The following CNTNAP2 variants were observed in gnomAD, a reference collection of about 807,000 sequenced individuals.
CNTNAP2 encodes the protein contactin-associated protein-like 2.
A neutral mutation model predicts 155.2 loss-of-function variants in CNTNAP2; 98 were observed. That is an observed-to-expected ratio of 0.63 (90% CI 0.54 to 0.75). CNTNAP2 has a LOEUF of 0.75. Among genes scored for constraint, CNTNAP2 ranks in the 30% least tolerant of loss-of-function variants. The pLI is 0.00. For missense variants in CNTNAP2, 1,727 were observed against 1,688.1 expected, an observed-to-expected ratio of 1.02 and a Z score of -0.40; for synonymous variants, 651 against 631.2, an observed-to-expected ratio of 1.03 and a Z score of -0.47.
chr7:146,901,527 T>G (rs1261965088), intron 3 of CNTNAP2, among the ~76,000 whole-genome samples: 2 of 152,304 alleles, frequency 1.3e-5, no homozygotes, highest in Admixed American at 1.3e-4. Context: ...GAATTTGACT[T>G]AAACGGCAAA....
chr7:147,433,142 C>T (rs1797493549), intron 10 of CNTNAP2, among the ~76,000 whole-genome samples: 1 of 152,158 alleles, frequency 6.6e-6, no homozygotes, highest in African/African-American at 2.4e-5. Flanking sequence ...CCGCAGAGTG[C>T]TGAATCTTTC....
chr7:146,302,600 T>C (rs1029774646), intron 1 of CNTNAP2, among the ~76,000 whole-genome samples: 1 of 152,044 alleles, frequency 6.6e-6, no homozygotes, highest in African/African-American at 2.4e-5. Context: ...ATCTAAAACG[T>C]GTTGGAGTTG....
At chr7:146,698,594 T>A (rs1370502317) in intron 1 of CNTNAP2, among the ~76,000 whole-genome samples, 3 of 152,076 alleles carry the variant, frequency 2.0e-5, no homozygotes, top group Non-Finnish European at 2.9e-5. Context: ...AGGAAGGAGA[T>A]TTTTAACTGT....
At chr7:146,649,901 CAT>C (rs1415973836) in intron 1 of CNTNAP2, among the ~76,000 whole-genome samples, 1 of 151,858 alleles carries the variant, frequency 6.6e-6, no homozygotes, top group Non-Finnish European at 1.5e-5. Flanking sequence ...GGCCAATAAA[CAT>C]ATGAAAAAAA....
intron 13 of CNTNAP2, among the ~76,000 whole-genome samples, chr7:147,880,743 TG>T (rs1303022265): frequency 4.6e-5 from 7 of 152,034 alleles, no homozygotes; most frequent in Non-Finnish European, 1.0e-4. Flanking sequence ...GAGCATCAAA[TG>T]CTGCTGAGAG....
At chr7:146,554,708 T>C (rs1798171111) in intron 1 of CNTNAP2, among the ~76,000 whole-genome samples, 1 of 152,206 alleles carries the variant, frequency 6.6e-6, no homozygotes. Flanking sequence ...TACCAGCTCT[T>C]GCTATTATTC....
intron 20 of CNTNAP2, among the ~76,000 whole-genome samples, chr7:148,232,775 C>T (rs909930287): frequency 4.6e-5 from 7 of 152,158 alleles, no homozygotes; most frequent in Non-Finnish European, 1.0e-4. Flanking sequence ...TTAGATGATC[C>T]TCATCAGTGT....
intron 22 of CNTNAP2, among the ~76,000 whole-genome samples, chr7:148,386,836 C>T (rs1799221105): frequency 6.6e-6 from 1 of 151,898 alleles, no homozygotes; most frequent in Admixed American, 6.5e-5. Flanking sequence ...AGAAGAAACT[C>T]AGTAAGTAGT....
intron 21 of CNTNAP2, among the ~76,000 whole-genome samples, chr7:148,306,350 C>T (rs1039746993): frequency 2.0e-4 from 31 of 152,106 alleles, no homozygotes; most frequent in Non-Finnish European, 7.4e-5. Flanking sequence ...TCTGGAAAGC[C>T]GTTCTTGAAC....
intron 1 of CNTNAP2, among the ~76,000 whole-genome samples, chr7:146,289,722 C>A (rs918369678): frequency 6.6e-6 from 1 of 152,116 alleles, no homozygotes; most frequent in Non-Finnish European, 1.5e-5. Flanking sequence ...GAAAATTTCA[C>A]ACACACAATC....
intron 21 of CNTNAP2, among the ~76,000 whole-genome samples, chr7:148,318,769 G>A (rs759296057): frequency 6.6e-5 from 10 of 152,052 alleles, no homozygotes; most frequent in Admixed American, 5.2e-4. Context: ...ACAACCAACC[G>A]GCTCTTGAGT....
intron 1 of CNTNAP2, among the ~76,000 whole-genome samples, chr7:146,305,928 A>C (rs1584859329): frequency 1.3e-5 from 2 of 152,102 alleles, no homozygotes; most frequent in African/African-American, 4.8e-5. Flanking sequence ...GAGACACAAA[A>C]TACCCTTCAA....
intron 3 of CNTNAP2, among the ~76,000 whole-genome samples, chr7:146,868,556 A>G (rs975940810): frequency 1.3e-5 from 2 of 152,094 alleles, no homozygotes; most frequent in Admixed American, 6.6e-5. Flanking sequence ...TGTGAATAAT[A>G]ATCTTGGTAA....
At chr7:147,066,011 T>TAAAACAAAAC in intron 4 of CNTNAP2, among the ~76,000 whole-genome samples, 1 of 152,124 alleles carries the variant, frequency 6.6e-6, no homozygotes, top group East Asian at 1.9e-4. Flanking sequence ...GGTGGTTTTA[T>TAAAACAAAAC]AAAACAAAAC....
In CNTNAP2 at chr7:147,728,173, A is replaced by ATG. The variant is rs72352266; in HGVS notation, c.2098+88890_2098+88891dup. 1.4e-3 allele frequency among the ~76,000 whole-genome samples: 130 copies of ATG among 91,566 alleles called. 1 individual carries two copies. In the East Asian group the frequency reaches 0.017, roughly 12 times the overall value. The allele number at this position is 91,566 out of a possible 152,430, so 60.1% of individuals were successfully genotyped here. A position where few individuals can be genotyped will look rare whatever the true frequency, so the allele number is the denominator to read the frequency against. ...TACTTTATATATGTATACACACACA[A>ATG]TGTGTGTGTGTGTGTGTGTGTGTGA... On this transcript the variant is annotated intron_variant, in intron 13 of 23. Coordinates refer to ENST00000361727, the MANE Select transcript of CNTNAP2 (RefSeq NM_014141.6).
chr7:146,517,770 C>CA (rs1797562366), intron 1 of CNTNAP2, among the ~76,000 whole-genome samples: 1 of 151,876 alleles, frequency 6.6e-6, no homozygotes, highest in African/African-American at 2.4e-5. Context: ...TAGCACAAAA[C>CA]AACAGAGAGG....
chr7:148,024,089 A>G (rs779419714), intron 15 of CNTNAP2, among the ~76,000 whole-genome samples: 13 of 147,904 alleles, frequency 8.8e-5, no homozygotes, highest in East Asian at 2.1e-4. Context: ...TGGGAGTACA[A>G]TTTACAAATA....
At chr7:148,203,288 C>T (rs1795394972) in intron 18 of CNTNAP2, among the ~76,000 whole-genome samples, 1 of 152,146 alleles carries the variant, frequency 6.6e-6, no homozygotes, top group Non-Finnish European at 1.5e-5. Context: ...TGCATACCTA[C>T]TATGTGCTAG....
At chr7:148,286,062 TAAATG>T (rs566233421) in intron 21 of CNTNAP2, among the ~76,000 whole-genome samples, 19 of 152,314 alleles carry the variant, frequency 1.2e-4, no homozygotes, top group African/African-American at 4.3e-4. Flanking sequence ...TATTATTCCT[TAAATG>T]GAAGTGGAAC....
Sources: allele counts gnomAD v4.1 joint callset (sites outside exome capture counted in the v4.1 genomes callset), GRCh38; gene constraint gnomAD v4.1.1; transcripts MANE v1.5; gene names NCBI Gene and HGNC (gene_info 2026-07-23, HGNC 2026-07-21).